Variants in KCNH8 observed in about 807,000 individuals in gnomAD.
The protein encoded by KCNH8 is potassium voltage-gated channel subfamily H member 8, also known as voltage-gated delayed rectifier potassium channel KCNH8.
In KCNH8, 70 loss-of-function variants were observed where a neutral mutation model predicts 103.6. The ratio of observed to expected loss-of-function variants is 0.68; its 90% CI spans 0.56 to 0.82. The LOEUF is 0.82. Among genes scored for constraint, KCNH8 ranks in the 40% least tolerant of loss-of-function variants. The pLI is 0.00. For missense variants in KCNH8, 1,217 were observed against 1,329.9 expected (o/e 0.92, Z 1.32); for synonymous variants, 498 against 489.4 (o/e 1.02, Z -0.23).
At chr3:19,246,035 A>C (rs1230369506) in intron 1 of KCNH8, among the ~76,000 whole-genome samples, 4 of 152,130 alleles carry the variant, frequency 2.6e-5, no homozygotes, top group Non-Finnish European at 5.9e-5. Flanking sequence ...ATATAGGTGG[A>C]AAAGTGAAAT....
At chr3:19,243,437 T>G (rs1209557794) in intron 1 of KCNH8, among the ~76,000 whole-genome samples, 1 of 152,200 alleles carries the variant, frequency 6.6e-6, no homozygotes, top group Non-Finnish European at 1.5e-5. Flanking sequence ...GTCTTATGTT[T>G]CCTGTTACTT....
chr3:19,394,674 T>G (rs183657648), intron 6 of KCNH8, among the ~76,000 whole-genome samples: 1 of 152,160 alleles, frequency 6.6e-6, no homozygotes, highest in East Asian at 1.9e-4. Context: ...TTCTGTGCCT[T>G]TACTTCAATT....
chr3:19,527,262 G>A (rs1473772048), intron 15 of KCNH8, among the ~76,000 whole-genome samples: 1 of 151,984 alleles, frequency 6.6e-6, no homozygotes, highest in Admixed American at 6.6e-5. Context: ...ACTGGGAATG[G>A]CTTATCTCTC....
At chr3:19,331,838 TTATTC>T (rs2065514859) in intron 3 of KCNH8, among the ~76,000 whole-genome samples, 1 of 152,170 alleles carries the variant, frequency 6.6e-6, no homozygotes, top group Non-Finnish European at 1.5e-5. Context: ...TGGCTCCTAT[TTATTC>T]TATCTAACTA....
chr3:19,287,231 G>A (rs2064844399), intron 3 of KCNH8, among the ~76,000 whole-genome samples: 1 of 152,138 alleles, frequency 6.6e-6, no homozygotes, highest in Non-Finnish European at 1.5e-5. Context: ...GAACCAGGAG[G>A]AGAGTATCAT....
At chr3:19,406,997 T>C (rs2066701957) in intron 7 of KCNH8, among the ~76,000 whole-genome samples, 1 of 152,150 alleles carries the variant, frequency 6.6e-6, no homozygotes. Context: ...CCAGAATATT[T>C]CTGAAGATCG....
intron 11 of KCNH8, among the ~76,000 whole-genome samples, chr3:19,463,408 A>C (rs959732910): frequency 1.3e-5 from 2 of 152,158 alleles, no homozygotes; most frequent in Non-Finnish European, 2.9e-5. Context: ...TAAACCCATA[A>C]GGGTTTGGTC....
intron 11 of KCNH8, among the ~76,000 whole-genome samples, chr3:19,459,800 T>C (rs949133249): frequency 6.6e-6 from 1 of 152,136 alleles, no homozygotes; most frequent in Non-Finnish European, 1.5e-5. Flanking sequence ...TCTAATTTTA[T>C]TCTTCTGCAT....
intron 2 of KCNH8, among the ~76,000 whole-genome samples, chr3:19,266,725 T>A (rs989694284): frequency 6.6e-6 from 1 of 152,144 alleles, no homozygotes; most frequent in African/African-American, 2.4e-5. Flanking sequence ...ATTGCTTCCA[T>A]GTTAGAATAG....
At chr3:19,191,314 G>A (rs2063551260) in intron 1 of KCNH8, among the ~76,000 whole-genome samples, 1 of 151,744 alleles carries the variant, frequency 6.6e-6, no homozygotes, top group Non-Finnish European at 1.5e-5. Context: ...TTCCCCGTAA[G>A]CTTGTCAGCG....
Position 19,525,380 on chromosome 3 carries a change from T to C in KCNH8, c.2619+7306T>C, listed in dbSNP as rs543893513. Among the ~76,000 whole-genome samples, 3 of 151,962 alleles carry C rather than the reference T, an allele frequency of 2.0e-5. No homozygotes were observed. In the South Asian group the frequency reaches 6.2e-4, roughly 32 times the overall value. The stretch of plus-strand genomic sequence containing the variant: ...TATATTCTTTGTCTAAATCCCCAGA[T>C]GATTCCTATACACATTAAAGTTTGA... On this transcript the variant is annotated intron_variant, in intron 15 of 15. Coordinates refer to ENST00000328405, the MANE Select transcript of KCNH8 (RefSeq NM_144633.3).
chr3:19,158,876 T>C (rs1432307869), intron 1 of KCNH8, among the ~76,000 whole-genome samples: 1 of 152,006 alleles, frequency 6.6e-6, no homozygotes, highest in African/African-American at 2.4e-5. Flanking sequence ...CTTTTGTTGC[T>C]AATTTTTGCA....
intron 11 of KCNH8, among the ~76,000 whole-genome samples, chr3:19,490,323 A>G (rs1238371173): frequency 1.3e-5 from 2 of 152,196 alleles, no homozygotes; most frequent in Non-Finnish European, 2.9e-5. Flanking sequence ...GCAGACTCAC[A>G]TCTCCAAAAA....
intron 5 of KCNH8, among the ~76,000 whole-genome samples, chr3:19,348,974 A>C (rs1015912348): frequency 3.4e-4 from 52 of 151,796 alleles, no homozygotes; most frequent in African/African-American, 1.3e-3. Flanking sequence ...TTTCTGGTTG[A>C]ATGTCAGCAC....
intron 3 of KCNH8, among the ~76,000 whole-genome samples, chr3:19,285,982 T>C (rs1446108530): frequency 6.6e-6 from 1 of 152,162 alleles, no homozygotes; most frequent in African/African-American, 2.4e-5. Flanking sequence ...GAAAGATGAT[T>C]TGTGTGTGGA....
At chr3:19,250,485 G>C (rs933024887) in intron 1 of KCNH8, among the ~76,000 whole-genome samples, 1 of 152,118 alleles carries the variant, frequency 6.6e-6, no homozygotes, top group Non-Finnish European at 1.5e-5. Flanking sequence ...ATATATGCTA[G>C]ACAAATACTA....
At chr3:19,217,184 C>T (rs988687295) in intron 1 of KCNH8, among the ~76,000 whole-genome samples, 2 of 152,084 alleles carry the variant, frequency 1.3e-5, no homozygotes, top group African/African-American at 2.4e-5. Flanking sequence ...AGGAGAAAGC[C>T]GTCTGCTTTG....
At chr3:19,370,319 A>T (rs6793617) in intron 5 of KCNH8, among the ~76,000 whole-genome samples, 22,800 of 152,026 alleles carry the variant, frequency 0.15, 1,712 homozygotes, top group East Asian at 0.22. Flanking sequence ...TCAGCTAAAC[A>T]TGTACATATC....
At position 19,272,963 on chromosome 3, in the gene KCNH8, A is replaced by G. The variant is rs1272991023; in HGVS notation, c.311-8235A>G. Among the ~76,000 whole-genome samples, 5 of 152,340 alleles carry G rather than the reference A, an allele frequency of 3.3e-5. No homozygotes were observed. In the East Asian group the frequency reaches 9.7e-4, roughly 29 times the overall value. On this transcript the variant is annotated intron_variant, in intron 2 of 15. Transcript: ENST00000328405. ...CACTGATGTATCCAAACAGTTAACAATAGTGCCTGCCATTGCAGGCACTCA... is the reference window on the plus strand; with the variant it reads ...CACTGATGTATCCAAACAGTTAACAGTAGTGCCTGCCATTGCAGGCACTCA...
Sources: allele counts gnomAD v4.1 joint callset (sites outside exome capture counted in the v4.1 genomes callset), GRCh38; gene constraint gnomAD v4.1.1; transcripts MANE v1.5; gene names NCBI Gene and HGNC (gene_info 2026-07-23, HGNC 2026-07-21).